IGFBP3: variants seen among roughly 807,000 people sequenced by gnomAD.
IGFBP3 encodes the protein insulin-like growth factor-binding protein 3.
IGFBP3 carries 9 observed loss-of-function variants against 28.6 expected under a neutral mutation model. The observed-to-expected ratio is 0.31, with a 90% CI of 0.19 to 0.55. IGFBP3 has a LOEUF of 0.55. Among genes scored for constraint, IGFBP3 ranks in the 20% least tolerant of loss-of-function variants. The probability of loss-of-function intolerance (pLI) is 0.93; values close to 1 mark genes in which losing one functional copy is unlikely to be tolerated. For synonymous variants in IGFBP3, 185 were observed against 188.2 expected (o/e 0.98, Z 0.14); for missense variants, 382 against 428.9 (o/e 0.89, Z 0.97).
intron 3 of IGFBP3, among the ~76,000 whole-genome samples, chr7:45,916,204 C>T (rs145613145): frequency 8.5e-5 from 13 of 152,316 alleles, no homozygotes; most frequent in Admixed American, 2.0e-4. Context: ...CACTCCCTGA[C>T]GCAGCATTAA....
chr7:45,916,956 A>G, intron 2 of IGFBP3: 1 of 566,062 alleles, frequency 1.8e-6, no homozygotes, highest in South Asian at 2.3e-5. Flanking sequence ...AATATTTTTC[A>G]TTATCTGCAG....
In IGFBP3 at chr7:45,921,029, C is replaced by A; in HGVS notation, c.112G>T (p.Val38Leu). ...CGCGCGTCGCACGGCTCGCAGCGCA[C>A]CACGGGACCCAAGCCCGCCGAGCTC... ...GASSAGLGPV[V>L]RCEPCDARAL... The change falls in exon 1 of 5, where the codon GTG becomes TTG. Residue 38 changes from valine to leucine, a missense_variant. Val to Leu is a conservative substitution (Grantham distance 32, BLOSUM62 1). Coordinates refer to ENST00000613132, the MANE Select transcript of IGFBP3 (RefSeq NM_000598.5). 2 of 1,429,666 alleles carry A rather than the reference C, an allele frequency of 1.4e-6. No individual in the cohort carries two copies. The highest frequency in any genetic ancestry group is 9.1e-7 in the Non-Finnish European group (1 of 1,099,264). The allele number at this position is 1,429,666 out of a possible 1,614,324, so 88.6% of individuals were successfully genotyped here.
intron 1 of IGFBP3, among the ~76,000 whole-genome samples, chr7:45,918,452 A>C (rs1194834495): frequency 6.6e-6 from 1 of 152,140 alleles, no homozygotes; most frequent in Non-Finnish European, 1.5e-5. Context: ...CAGGATTCTC[A>C]CTCCATTCCT....
rs1261810085 is a variant in IGFBP3 at position 45,921,200 on chromosome 7, T to TGG, written c.-61_-60insCC. ...TGGGCGCGCAGGGATGGGGCGACAG[T>TGG]ACACGGCGCGAAGCTGTGGAATCCA... On this transcript the variant is annotated 5_prime_UTR_variant, in exon 1 of 5. Transcript: ENST00000613132. 3 of 1,482,644 alleles carry TGG rather than the reference T, an allele frequency of 2.0e-6. No homozygotes were observed. The African/African-American group carries it at 4.4e-5, about 22-fold the overall frequency. 91.8% of individuals were successfully genotyped at this position (1,482,644 alleles called of 1,614,324 possible).
At chr7:45,919,166 T>C (rs1474906657) in intron 1 of IGFBP3, among the ~76,000 whole-genome samples, 1 of 152,212 alleles carries the variant, frequency 6.6e-6, no homozygotes, top group African/African-American at 2.4e-5. Context: ...ATTGTGACTT[T>C]TGACTGTCGA....
intron 3 of IGFBP3, among the ~76,000 whole-genome samples, chr7:45,916,080 T>A (rs1047315683): frequency 3.3e-5 from 5 of 152,164 alleles, no homozygotes; most frequent in African/African-American, 1.2e-4. Flanking sequence ...CTGCTCACTA[T>A]CGGGAAGGCA....
chr7:45,916,467 G>T, intron 3 of IGFBP3, 81 bp downstream of exon 3: 1 of 1,449,262 alleles, frequency 6.9e-7, no homozygotes, highest in Non-Finnish European at 9.6e-7. Context: ...GCTATGGCCA[G>T]AAGAGCCTGG....
chr7:45,917,342 G>T lies in IGFBP3; in HGVS notation c.501C>A (p.Pro167=), dbSNP rs550177351. ...TGATGATGATTATCTTTGAATGGAG[G>T]GGGTGGAACTTGGGATCAGACACCC... The part of the protein sequence containing the change: ...THRVSDPKFH[P]LHSKIIIIKK... Residue 167 remains proline (P), a synonymous_variant, in exon 2 of 5, where the codon CCC becomes CCA. Coordinates refer to ENST00000613132, the MANE Select transcript of IGFBP3 (RefSeq NM_000598.5). The T allele has an allele frequency of 1.2e-5, 19 of 1,614,050 alleles. No homozygotes were observed. Among genetic ancestry groups the T allele is most frequent in the Non-Finnish European group, 1.6e-5 (19 of 1,180,006 alleles).
At chr7:45,918,496 G>T (rs1271024707) in intron 1 of IGFBP3, among the ~76,000 whole-genome samples, 1 of 152,230 alleles carries the variant, frequency 6.6e-6, no homozygotes, top group African/African-American at 2.4e-5. Context: ...CTGTAAGACC[G>T]CTATGGGGAT....
At chr7:45,916,411 TG>T in intron 3 of IGFBP3, 136 bp downstream of exon 3, 1 of 766,974 alleles carries the variant, frequency 1.3e-6, no homozygotes. Context: ...CTCCTGAGAC[TG>T]GCACCAAGTC....
Position 45,921,021 on chromosome 7 carries a change from G to A in IGFBP3, c.120C>T (p.Cys40=). The stretch of plus-strand genomic sequence containing the variant: ...CCAGTGCACGCGCGTCGCACGGCTC[G>A]CAGCGCACCACGGGACCCAAGCCCG... The part of the protein sequence containing the change: ...SSAGLGPVVR[C]EPCDARALAQ... Residue 40 remains cysteine, a synonymous_variant, in exon 1 of 5, where the codon TGC becomes TGT. Coordinates refer to ENST00000613132, the MANE Select transcript of IGFBP3 (RefSeq NM_000598.5). The A allele has an allele frequency of 7.1e-7, 1 of 1,410,160 alleles. No individual in the cohort carries two copies. The highest frequency in any genetic ancestry group is 9.2e-7 in the Non-Finnish European group (1 of 1,090,324). 87.4% of individuals were successfully genotyped at this position (1,410,160 alleles called of 1,614,324 possible).
chr7:45,917,025 G>T, intron 2 of IGFBP3, 188 bp downstream of exon 2: 1 of 601,688 alleles, frequency 1.7e-6, no homozygotes, highest in Non-Finnish European at 3.0e-6. Context: ...ATCCTCATAA[G>T]ATTCTCCAAA....
Position 45,916,411 on chromosome 7 carries a change from T to C in IGFBP3, c.750+137A>G. 2.6e-6 allele frequency: 2 copies of C among 766,974 alleles called. 1 individual carries two copies. Among genetic ancestry groups the C allele is most frequent in the East Asian group, 5.4e-5 (2 of 36,974 alleles). 47.5% of individuals were successfully genotyped at this position (766,974 alleles called of 1,614,324 possible). A position where few individuals can be genotyped will look rare whatever the true frequency, so the allele number is the denominator to read the frequency against. On this transcript the variant is annotated intron_variant, in intron 3 of 4. Transcript: ENST00000613132. ...AGCCCTTGGTCTGACCTCCTGAGAC[T>C]GGCACCAAGTCCTGGGCACTGGTGC...
intron 1 of IGFBP3, among the ~76,000 whole-genome samples, chr7:45,918,639 C>A (rs1028793074): frequency 6.6e-6 from 1 of 152,198 alleles, no homozygotes; most frequent in Admixed American, 6.5e-5. Flanking sequence ...ATGTGTAACC[C>A]TAGCAGGGAG....
chr7:45,918,918 C>T (rs1333869224), intron 1 of IGFBP3, among the ~76,000 whole-genome samples: 3 of 152,188 alleles, frequency 2.0e-5, no homozygotes, highest in East Asian at 3.8e-4. Context: ...GAGGAGGTCC[C>T]TACCTGCGAG....
At chr7:45,915,504 T>C (rs1278105346) in intron 3 of IGFBP3, among the ~76,000 whole-genome samples, 1 of 152,226 alleles carries the variant, frequency 6.6e-6, no homozygotes, top group East Asian at 1.9e-4. Context: ...ATTCTGTAGA[T>C]AGCATAGTAT....
rs1054662941 is a variant in IGFBP3, at chr7:45,920,917, A to G, written c.224T>C (p.Leu75Pro). ...PGCGCCLTCA[L>P]SEGQPCGIYT... ...GATGCCGCACGGCTGGCCCTCGCTC[A>G]GTGCGCACGTCAGGCAGCAGCCGCA... is the stretch of plus-strand genomic sequence containing the variant. Residue 75 changes from leucine (L) to proline (P), a missense_variant, in exon 1 of 5, where the codon CTG (leucine) becomes CCG (proline). Physicochemically the swap from Leu to Pro is moderately conservative, Grantham distance 98. Coordinates refer to ENST00000613132, the MANE Select transcript of IGFBP3 (RefSeq NM_000598.5). The G allele has an allele frequency of 7.0e-7, 1 of 1,427,138 alleles. No homozygotes were observed. 88.4% of individuals were successfully genotyped at this position (1,427,138 alleles called of 1,614,324 possible).
At chr7:45,914,734 G>A (rs550741185) in intron 4 of IGFBP3, 71 bp downstream of exon 4, 4 of 1,494,206 alleles carry the variant, frequency 2.7e-6, no homozygotes, top group African/African-American at 1.4e-5. Flanking sequence ...CAGTGGCCAC[G>A]CCCAGCCCCT....
Position 45,914,898 on chromosome 7 carries a change from AT to A in IGFBP3, c.797del (p.Asp266ValfsTer33), listed in dbSNP as rs1372078754. On this transcript the variant is annotated frameshift_variant, in exon 4 of 5. Transcript: ENST00000613132. LOFTEE classifies it high-confidence loss of function. Reference protein sequence around the residue: ...GRKRGFCWCVDKYGQPLPGYT... With the variant: ...GRKRGFCWCVXKYGQPLPGYT... ...AGCCTGGGAGAGGCTGCCCATACTT[AT>A]CCACACACCAGCAGAAGCCCCGCTT... 1 of 1,613,928 alleles carries A rather than the reference AT, an allele frequency of 6.2e-7. No individual in the cohort carries two copies. The highest frequency in any genetic ancestry group is 2.2e-5 in the East Asian group (1 of 44,880).
Sources: allele counts gnomAD v4.1 joint callset (sites outside exome capture counted in the v4.1 genomes callset), GRCh38; gene constraint gnomAD v4.1.1; transcripts MANE v1.5; gene names NCBI Gene and HGNC (gene_info 2026-07-23, HGNC 2026-07-21).